Variants in SMIM14 observed in about 807,000 individuals in gnomAD.
SMIM14 encodes the protein chromosome 4 open reading frame 34.
Under a neutral mutation model 12.6 loss-of-function variants are expected in SMIM14, and 5 were observed. The ratio of observed to expected loss-of-function variants is 0.40; its 90% CI spans 0.21 to 0.83. The LOEUF (loss-of-function observed/expected upper bound fraction) is 0.83, where lower values mean the gene tolerates loss of function less well. Among genes scored for constraint, SMIM14 ranks in the 40% least tolerant of loss-of-function variants. The probability of loss-of-function intolerance (pLI) is 0.37; values close to 1 mark genes in which losing one functional copy is unlikely to be tolerated. For missense variants in SMIM14, 86 were observed against 119.1 expected (o/e 0.72, Z 1.29); for synonymous variants, 30 against 40.1 (o/e 0.75, Z 0.95).
At position 39,638,816 on chromosome 4, in the gene SMIM14, C is replaced by T; in HGVS notation, c.-113G>A. 1 of 985,820 alleles carries T rather than the reference C, an allele frequency of 1.0e-6. No individual in the cohort carries two copies. Among genetic ancestry groups the T allele is most frequent in the Non-Finnish European group, 1.2e-6 (1 of 830,242 alleles). 61.1% of individuals were successfully genotyped at this position (985,820 alleles called of 1,614,324 possible). A position where few individuals can be genotyped will look rare whatever the true frequency, so the allele number is the denominator to read the frequency against. On this transcript the variant is annotated 5_prime_UTR_variant, in exon 1 of 5. Transcript: ENST00000295958. ...TCGGCAGAAAGACCGCCTGGAGCTT[C>T]CAGAAGGCTGCGGCTGCTCCGGACG...
At position 39,608,324 on chromosome 4, in the gene SMIM14, A is replaced by G. The variant is rs147204179; in HGVS notation, c.-35-3144T>C. The stretch of plus-strand genomic sequence containing the variant: ...AAACAACAACAAAAAAGAAAACATG[A>G]ACTTCAACAGATACTTGTTTACCAA... On this transcript the variant is annotated intron_variant, in intron 1 of 4. Coordinates refer to ENST00000295958, the MANE Select transcript of SMIM14 (RefSeq NM_174921.3). 2.8e-4 allele frequency among the ~76,000 whole-genome samples: 42 copies of G among 152,324 alleles called. No individual in the cohort carries two copies. The East Asian group carries it at 7.7e-3, about 28-fold the overall frequency.
chr4:39,616,683 G>A (rs1578360267), intron 1 of SMIM14, among the ~76,000 whole-genome samples: 1 of 149,452 alleles, frequency 6.7e-6, no homozygotes, highest in Admixed American at 6.7e-5. Context: ...AAGAAAAGCA[G>A]GATTCTAAGG....
rs71192884 is a variant in SMIM14 at position 39,619,876 on chromosome 4, A to ATATT, written c.-35-14697_-35-14696insAATA. The stretch of plus-strand genomic sequence containing the variant: ...TATATATATTTATATATATATATAT[A>ATATT]TTTTTTTTTTTTTAAGAGCAAGATA... On this transcript the variant is annotated intron_variant, in intron 1 of 4. Transcript: ENST00000295958. Among the ~76,000 whole-genome samples, 141 of 115,848 alleles carry ATATT rather than the reference A, an allele frequency of 1.2e-3. 2 individuals are homozygous for ATATT. Among genetic ancestry groups the ATATT allele is most frequent in the African/African-American group, 3.0e-3 (87 of 29,114 alleles). 76.0% of individuals were successfully genotyped at this position (115,848 alleles called of 152,430 possible).
At chr4:39,624,599 G>A (rs1287277656) in intron 1 of SMIM14, among the ~76,000 whole-genome samples, 6 of 151,898 alleles carry the variant, frequency 4.0e-5, no homozygotes, top group Admixed American at 6.6e-5. Context: ...TGAGGCAGGC[G>A]GATCACCTGA....
intron 3 of SMIM14, among the ~76,000 whole-genome samples, chr4:39,570,787 G>A (rs1419205098): frequency 1.3e-5 from 2 of 152,078 alleles, no homozygotes; most frequent in Non-Finnish European, 2.9e-5. Flanking sequence ...CTCCCAAGTA[G>A]CCGGGACTCC....
Position 39,575,047 on chromosome 4 carries a change from AC to A in SMIM14, c.76-2585del, listed in dbSNP as rs570788905. 1.1e-4 allele frequency among the ~76,000 whole-genome samples: 17 copies of A among 151,668 alleles called. No homozygotes were observed. In the East Asian group the frequency reaches 3.3e-3, roughly 29 times the overall value. Reference sequence around the variant, plus strand: ...AACAAAAACAAAACAAAACAAAAAAACTAGTCTTGTTTTAATAAGAACGAGA... The same window carrying A: ...AACAAAAACAAAACAAAACAAAAAAATAGTCTTGTTTTAATAAGAACGAGA... On this transcript the variant is annotated intron_variant, in intron 2 of 4. Coordinates refer to ENST00000295958, the MANE Select transcript of SMIM14 (RefSeq NM_174921.3).
chr4:39,576,318 T>C (rs184236559), intron 2 of SMIM14, among the ~76,000 whole-genome samples: 14 of 151,974 alleles, frequency 9.2e-5, no homozygotes, highest in African/African-American at 3.4e-4. Context: ...GAAGGGCAGT[T>C]GAGTAGCCAC....
chr4:39,583,664 C>A (rs1431149374), intron 2 of SMIM14, among the ~76,000 whole-genome samples: 1 of 152,044 alleles, frequency 6.6e-6, no homozygotes, highest in African/African-American at 2.4e-5. Context: ...CAATGATAAC[C>A]ATTCTGTTAC....
intron 1 of SMIM14, among the ~76,000 whole-genome samples, chr4:39,613,359 A>G (rs1213836660): frequency 6.6e-6 from 1 of 152,272 alleles, no homozygotes. Context: ...ACATTCCTCA[A>G]TAGTGCTACA....
chr4:39,579,609 G>C (rs556773072), intron 2 of SMIM14, among the ~76,000 whole-genome samples: 2 of 151,804 alleles, frequency 1.3e-5, no homozygotes, highest in African/African-American at 4.8e-5. Context: ...TTGAAAGGCC[G>C]AGGTGGGCAG....
chr4:39,636,476 C>T (rs1716094777), intron 1 of SMIM14, among the ~76,000 whole-genome samples: 1 of 152,026 alleles, frequency 6.6e-6, no homozygotes, highest in Non-Finnish European at 1.5e-5. Flanking sequence ...CTTTTAAAAC[C>T]ATGCTTTTAA....
chr4:39,617,845 T>C (rs1715278025), intron 1 of SMIM14, among the ~76,000 whole-genome samples: 2 of 152,248 alleles, frequency 1.3e-5, no homozygotes, highest in African/African-American at 4.8e-5. Context: ...AATGTTGGTA[T>C]AGTATTTTGT....
At chr4:39,622,371 C>G (rs926737506) in intron 1 of SMIM14, among the ~76,000 whole-genome samples, 1 of 151,616 alleles carries the variant, frequency 6.6e-6, no homozygotes, top group African/African-American at 2.4e-5. Context: ...CGTGAGCCAC[C>G]GCGCCCGGCC....
chr4:39,555,111 C>T (rs569081904), intron 4 of SMIM14, among the ~76,000 whole-genome samples: 1 of 151,646 alleles, frequency 6.6e-6, no homozygotes, highest in South Asian at 2.1e-4. Context: ...GCTGGAATTA[C>T]AGGCATGAGC....
Position 39,600,165 on chromosome 4 carries a change from T to C in SMIM14, c.75+4906A>G, listed in dbSNP as rs537714176. ...GCTGGCATTGGGGCATGACTTTGGC[T>C]CTTGTTTTGACAACTTACCCTCCCT... On this transcript the variant is annotated intron_variant, in intron 2 of 4. Transcript: ENST00000295958. 3.2e-4 allele frequency among the ~76,000 whole-genome samples: 49 copies of C among 152,174 alleles called. 1 individual carries two copies. Among genetic ancestry groups the C allele is most frequent in the African/African-American group, 1.2e-3 (48 of 41,540 alleles).
At chr4:39,619,268 ATAAT>A (rs1437927815) in intron 1 of SMIM14, among the ~76,000 whole-genome samples, 4 of 118,374 alleles carry the variant, frequency 3.4e-5, no homozygotes, top group African/African-American at 1.3e-4. Flanking sequence ...ATCAATAAAT[ATAAT>A]TTATTCTATA....
intron 2 of SMIM14, among the ~76,000 whole-genome samples, chr4:39,594,914 G>A (rs1363983605): frequency 2.6e-5 from 4 of 150,964 alleles, no homozygotes; most frequent in African/African-American, 9.7e-5. Context: ...ACAGGTGCTG[G>A]AGAGGATGTG....
chr4:39,561,944 CA>C (rs1359564000), intron 3 of SMIM14, among the ~76,000 whole-genome samples: 2 of 151,332 alleles, frequency 1.3e-5, no homozygotes, highest in African/African-American at 4.9e-5. Flanking sequence ...ACAACAACAA[CA>C]ACCAAATAGT....
rs549568316 is a variant in SMIM14, at chr4:39,613,747, A to G, written c.-35-8567T>C. Among the ~76,000 whole-genome samples, 28 of 152,282 alleles carry G rather than the reference A, an allele frequency of 1.8e-4. No homozygotes were observed. In the East Asian group the frequency reaches 3.3e-3, roughly 18 times the overall value. ...TTTCATTGACTTGTTCATCTCCCCG[A>G]TATATATCGCTAATGTTAGAGAACA... is the stretch of plus-strand genomic sequence containing the variant. On this transcript the variant is annotated intron_variant, in intron 1 of 4. Transcript: ENST00000295958.
Sources: allele counts gnomAD v4.1 joint callset (sites outside exome capture counted in the v4.1 genomes callset), GRCh38; gene constraint gnomAD v4.1.1; transcripts MANE v1.5; gene names NCBI Gene and HGNC (gene_info 2026-07-23, HGNC 2026-07-21).